FGD4: variants seen among roughly 807,000 people sequenced by gnomAD.
FGD4 encodes the protein FYVE, RhoGEF and PH domain containing 4.
In FGD4, 42 loss-of-function variants were observed where a neutral mutation model predicts 102.0. The observed-to-expected ratio is 0.41, with a 90% CI of 0.32 to 0.53. The LOEUF (loss-of-function observed/expected upper bound fraction) is 0.53. Among genes scored for constraint, FGD4 ranks in the 20% least tolerant of loss-of-function variants. The pLI, the probability that FGD4 is intolerant of heterozygous loss-of-function variation, is 0.21. For missense variants in FGD4, 902 were observed against 1,078.2 expected (o/e 0.84, Z 2.29); for synonymous variants, 380 against 375.7 (o/e 1.01, Z -0.13).
rs16919912 is a variant in FGD4, at chr12:32,475,479, C to T, written c.166+75520C>T. On this transcript the variant is annotated intron_variant, in intron 1 of 16. Coordinates refer to ENST00000534526, the MANE Select transcript of FGD4 (RefSeq NM_001370298.3). ...GCTCTACTGTCTGGTTTAGTTGGTA[C>T]TCAAAGCACCCACTTAAGATTCTTT... is the stretch of plus-strand genomic sequence containing the variant. 0.024 allele frequency among the ~76,000 whole-genome samples: 3,600 copies of T among 152,242 alleles called. 314 individuals carry two copies. The East Asian group carries it at 0.32, about 13-fold the overall frequency.
At chr12:32,422,896 C>T (rs1389397947) in intron 1 of FGD4, among the ~76,000 whole-genome samples, 1 of 152,106 alleles carries the variant, frequency 6.6e-6, no homozygotes, top group Non-Finnish European at 1.5e-5. Flanking sequence ...TTAGTCATCA[C>T]GAGTGGGAAC....
intron 1 of FGD4, among the ~76,000 whole-genome samples, chr12:32,470,696 CG>C (rs1373221377): frequency 6.6e-6 from 1 of 151,954 alleles, no homozygotes; most frequent in Non-Finnish European, 1.5e-5. Flanking sequence ...TCAGGTAATC[CG>C]GCCTCCTCAG....
chr12:32,480,151 TG>T (rs35242330), intron 1 of FGD4, among the ~76,000 whole-genome samples: 7 of 142,494 alleles, frequency 4.9e-5, no homozygotes, highest in African/African-American at 7.6e-5. Flanking sequence ...TGTTTGTTTG[TG>T]GGGGTTTTTT....
chr12:32,605,419 C>T (rs1453765004), intron 7 of FGD4, among the ~76,000 whole-genome samples: 1 of 151,928 alleles, frequency 6.6e-6, no homozygotes, highest in Non-Finnish European at 1.5e-5. Flanking sequence ...CTTTTGCTAA[C>T]TCTGAAATGT....
intron 11 of FGD4, among the ~76,000 whole-genome samples, chr12:32,621,916 CTCACTCTGTT>C (rs1311829517): frequency 6.7e-6 from 1 of 149,968 alleles, no homozygotes; most frequent in Non-Finnish European, 1.5e-5. Flanking sequence ...GAGACAGAGT[CTCACTCTGTT>C]GCCCAGGCTG....
Position 32,576,407 on chromosome 12 carries a change from C to T in FGD4, c.461C>T (p.Pro154Leu), listed in dbSNP as rs371407163. 3.1e-6 allele frequency: 5 copies of T among 1,613,932 alleles called. No individual in the cohort carries two copies. The highest frequency in any genetic ancestry group is 4.2e-6 in the Non-Finnish European group (5 of 1,180,002). Residue 154 changes from proline (P) to leucine (L), a missense_variant, in exon 3 of 17, where the codon CCC becomes CTC. Physicochemically the swap from Pro to Leu is moderately conservative, Grantham distance 98. Coordinates refer to ENST00000534526, the MANE Select transcript of FGD4 (RefSeq NM_001370298.3). ...GCTTCTTGTGTCTCAAAAGAAAAAC[C>T]CAGTAAGGTATCAGATCTCATCAGT... ...ASASCVSKEKPSKVSDLISRF... is the reference protein window; with the variant it reads ...ASASCVSKEKLSKVSDLISRF...
chr12:32,511,503 C>T (rs61927245), intron 1 of FGD4, among the ~76,000 whole-genome samples: 9,336 of 151,938 alleles, frequency 0.061, 328 homozygotes, highest in Middle Eastern at 0.12. Flanking sequence ...GGGGTTTCAC[C>T]GTGTTAGCCA....
rs765738675 is a variant in FGD4 at position 32,598,583 on chromosome 12, T to C, written c.1098T>C (p.Asp366=). ...ATGTCAACCGACTTGACCTCTTAGA[T>C]CAGGTAAGATTTTCTTTCTCAGAAT... ...RAYVNRLDLL[D]QVFYCKLLEE... The change falls in exon 5 of 17, where the codon GAT becomes GAC. Residue 366 remains aspartate (D), a synonymous_variant. Transcript: ENST00000534526. 1.9e-6 allele frequency: 3 copies of C among 1,610,624 alleles called. No individual in the cohort carries two copies. Among genetic ancestry groups the C allele is most frequent in the Non-Finnish European group, 2.5e-6 (3 of 1,176,980 alleles).
intron 1 of FGD4, among the ~76,000 whole-genome samples, chr12:32,431,118 G>A (rs1350671682): frequency 6.6e-6 from 1 of 152,014 alleles, no homozygotes; most frequent in Non-Finnish European, 1.5e-5. Flanking sequence ...TGGAGAGGTC[G>A]AAAAAAGGAA....
At chr12:32,580,449 G>C (rs1267365087) in intron 3 of FGD4, among the ~76,000 whole-genome samples, 1 of 152,176 alleles carries the variant, frequency 6.6e-6, no homozygotes, top group African/African-American at 2.4e-5. Context: ...CTAAGAGGTA[G>C]GAGTAAAGCA....
chr12:32,569,642 C>T (rs528019500), intron 2 of FGD4, among the ~76,000 whole-genome samples: 7 of 152,202 alleles, frequency 4.6e-5, no homozygotes, highest in Non-Finnish European at 8.8e-5. Flanking sequence ...TTCTTTTAGC[C>T]CTCACCACGT....
At chr12:32,439,565 A>G (rs1287674349) in intron 1 of FGD4, among the ~76,000 whole-genome samples, 1 of 152,182 alleles carries the variant, frequency 6.6e-6, no homozygotes, top group Non-Finnish European at 1.5e-5. Context: ...TGGCTATACT[A>G]ATTTACATTA....
At chr12:32,400,103 C>G (rs1199023598) in intron 1 of FGD4, 144 bp downstream of exon 1, 3 of 1,191,286 alleles carry the variant, frequency 2.5e-6, no homozygotes, top group Non-Finnish European at 3.3e-6. Context: ...AGGCTGCGCT[C>G]GGCCACCCAC....
intron 1 of FGD4, among the ~76,000 whole-genome samples, chr12:32,416,395 G>T (rs974874890): frequency 1.3e-5 from 2 of 152,060 alleles, no homozygotes; most frequent in Non-Finnish European, 2.9e-5. Context: ...TTGTCTTCTG[G>T]TTGTTTTTTG....
intron 7 of FGD4, 88 bp downstream of exon 7, chr12:32,602,405 T>C: frequency 6.5e-7 from 1 of 1,530,050 alleles, no homozygotes; most frequent in East Asian, 2.3e-5. Flanking sequence ...GATCTAGAGA[T>C]CTGTCTGAGA....
chr12:32,499,991 G>T (rs1256226320), intron 1 of FGD4, among the ~76,000 whole-genome samples: 1 of 152,220 alleles, frequency 6.6e-6, no homozygotes, highest in Admixed American at 6.5e-5. Context: ...GGGTGACAAA[G>T]TGAGACCCTA....
At chr12:32,488,371 GATA>G (rs1421660706) in intron 1 of FGD4, among the ~76,000 whole-genome samples, 1 of 152,026 alleles carries the variant, frequency 6.6e-6, no homozygotes, top group Non-Finnish European at 1.5e-5. Context: ...CAGTCATAAA[GATA>G]ATAATAGAAG....
At chr12:32,600,195 A>G (rs938834586) in intron 5 of FGD4, among the ~76,000 whole-genome samples, 2 of 152,230 alleles carry the variant, frequency 1.3e-5, no homozygotes, top group African/African-American at 2.4e-5. Flanking sequence ...CTTTGAAACA[A>G]CTTTCTTCCT....
chr12:32,495,269 C>T (rs1937725950), intron 1 of FGD4, among the ~76,000 whole-genome samples: 1 of 152,160 alleles, frequency 6.6e-6, no homozygotes, highest in Non-Finnish European at 1.5e-5. Flanking sequence ...GTCACATACT[C>T]TACCTAGCCC....
Sources: gnomAD v4.1 joint callset for allele counts (sites outside exome capture counted in the v4.1 genomes callset) on GRCh38, gnomAD v4.1.1 for gene constraint, MANE v1.5 for transcripts, NCBI Gene and HGNC (gene_info 2026-07-23, HGNC 2026-07-21) for gene names.